PCDH15: variants seen among roughly 807,000 people sequenced by gnomAD.
PCDH15 encodes protocadherin related 15.
Under a neutral mutation model 178.5 loss-of-function variants are expected in PCDH15, and 129 were observed. The ratio of observed to expected loss-of-function variants is 0.72; its 90% confidence interval spans 0.63 to 0.84. The LOEUF (loss-of-function observed/expected upper bound fraction) is 0.84, where lower values mean the gene tolerates loss of function less well. Ranked by LOEUF, PCDH15 falls within the 40% of genes least tolerant of loss-of-function variation. PCDH15 has a pLI of 0.00. For missense variants in PCDH15, 2,230 were observed against 2,099.9 expected (o/e 1.06, Z -1.21); for synonymous variants, 800 against 732.0 (o/e 1.09, Z -1.50).
chr10:54,301,617 C>T (rs535731752), intron 8 of PCDH15, among the ~76,000 whole-genome samples: 1 of 152,284 alleles, frequency 6.6e-6, no homozygotes, highest in South Asian at 2.1e-4. Flanking sequence ...GGCTAGATGA[C>T]TGGGCCTTGA....
At chr10:55,360,820 A>G (rs1845209342) in intron 2 of PCDH15, among the ~76,000 whole-genome samples, 1 of 152,030 alleles carries the variant, frequency 6.6e-6, no homozygotes. Context: ...CTCATTACTT[A>G]GAAATTCTAT....
rs3070713 is a variant in PCDH15, at chr10:54,462,476, C to CTTTCTTTTCTTTTCT, written c.157+65321_157+65335dup. On this transcript the variant is annotated intron_variant, in intron 3 of 37. Transcript: ENST00000644397. The stretch of plus-strand genomic sequence containing the variant: ...GCTCCTATTTGTTAATCCTTTCTTT[C>CTTTCTTTTCTTTTCT]TTTCTTTTCTTTTCTTTTCTTTTTC... Among the ~76,000 whole-genome samples, 205 of 123,802 alleles carry CTTTCTTTTCTTTTCT rather than the reference C, an allele frequency of 1.7e-3. 1 individual carries two copies. The highest frequency in any genetic ancestry group is 6.6e-3 in the African/African-American group (188 of 28,614). The allele number at this position is 123,802 out of a possible 152,430, so 81.2% of individuals were successfully genotyped here.
chr10:54,237,455 A>T (rs2054753238), intron 8 of PCDH15, among the ~76,000 whole-genome samples: 1 of 152,170 alleles, frequency 6.6e-6, no homozygotes. Flanking sequence ...TATTGCAGGT[A>T]TTTACATGTA....
At chr10:54,518,763 G>A (rs1785911357) in intron 3 of PCDH15, among the ~76,000 whole-genome samples, 1 of 152,144 alleles carries the variant, frequency 6.6e-6, no homozygotes, top group Non-Finnish European at 1.5e-5. Context: ...AACCAAAAAA[G>A]AGAATTTTAG....
At chr10:54,690,830 A>G (rs2095108261) in intron 1 of PCDH15, among the ~76,000 whole-genome samples, 1 of 152,088 alleles carries the variant, frequency 6.6e-6, no homozygotes, top group African/African-American at 2.4e-5. Context: ...TGTCCCTAGA[A>G]AAGCAAGTAC....
chr10:54,932,990 T>C (rs1307948612), intron 2 of PCDH15, among the ~76,000 whole-genome samples: 2 of 152,206 alleles, frequency 1.3e-5, no homozygotes, highest in African/African-American at 4.8e-5. Context: ...ATTTTTATCA[T>C]TTATATTTTT....
intron 10 of PCDH15, among the ~76,000 whole-genome samples, chr10:54,201,112 A>G (rs2050190453): frequency 6.6e-6 from 1 of 152,188 alleles, no homozygotes; most frequent in Admixed American, 6.5e-5. Context: ...ACCGAAAACA[A>G]GAAACTTGGA....
chr10:53,917,664 G>A (rs1430782727), intron 25 of PCDH15, among the ~76,000 whole-genome samples: 3 of 152,042 alleles, frequency 2.0e-5, no homozygotes, highest in Non-Finnish European at 4.4e-5. Flanking sequence ...TAAAGGAGCT[G>A]TTTCTAAAAG....
chr10:55,376,940 C>T (rs1837406271), intron 2 of PCDH15, among the ~76,000 whole-genome samples: 1 of 151,832 alleles, frequency 6.6e-6, no homozygotes. Flanking sequence ...TGCTTCCTGG[C>T]TTAAAATTAT....
intron 8 of PCDH15, among the ~76,000 whole-genome samples, chr10:54,260,707 A>G (rs998375688): frequency 2.6e-5 from 4 of 152,176 alleles, no homozygotes; most frequent in African/African-American, 7.2e-5. Flanking sequence ...CAGCCTCCCA[A>G]GTAGCTGGAA....
chr10:53,975,174 A>G (rs181658720), intron 21 of PCDH15, among the ~76,000 whole-genome samples: 4 of 152,222 alleles, frequency 2.6e-5, no homozygotes, highest in Admixed American at 2.6e-4. Flanking sequence ...TTCTTTATCC[A>G]ATACACCACT....
At chr10:55,125,278 C>A (rs1249941096) in intron 2 of PCDH15, among the ~76,000 whole-genome samples, 1 of 151,538 alleles carries the variant, frequency 6.6e-6, no homozygotes, top group Admixed American at 6.6e-5. Context: ...ATTACTGCAT[C>A]TGAAGTTATT....
intron 1 of PCDH15, among the ~76,000 whole-genome samples, chr10:54,758,183 A>G (rs776102828): frequency 1.3e-4 from 20 of 152,326 alleles, no homozygotes; most frequent in South Asian, 6.2e-4. Flanking sequence ...TAGTATGTAA[A>G]TACAGATGGT....
At chr10:54,563,747 G>T (rs2088579555) in intron 2 of PCDH15, among the ~76,000 whole-genome samples, 1 of 152,062 alleles carries the variant, frequency 6.6e-6, no homozygotes, top group Non-Finnish European at 1.5e-5. Context: ...GCAGCTATAG[G>T]ATCCATTTCC....
At chr10:55,529,386 TC>T (rs765358417) in intron 2 of PCDH15, among the ~76,000 whole-genome samples, 2 of 152,112 alleles carry the variant, frequency 1.3e-5, no homozygotes, top group African/African-American at 2.4e-5. Flanking sequence ...CTTTAATCCA[TC>T]TTGAATTAAT....
chr10:54,247,326 G>A (rs910102508), intron 8 of PCDH15, among the ~76,000 whole-genome samples: 13 of 151,922 alleles, frequency 8.6e-5, no homozygotes, highest in Admixed American at 1.3e-4. Flanking sequence ...TGAGAGCAAA[G>A]TGAAGGTCTA....
chr10:55,311,684 G>A (rs1588902094), intron 1 of PCDH15, among the ~76,000 whole-genome samples: 1 of 152,100 alleles, frequency 6.6e-6, no homozygotes, highest in South Asian at 2.1e-4. Context: ...TCAATTCTAG[G>A]TTCACAGAGG....
intron 1 of PCDH15, among the ~76,000 whole-genome samples, chr10:55,246,197 G>A (rs1056809452): frequency 3.3e-5 from 5 of 152,090 alleles, no homozygotes; most frequent in Admixed American, 1.3e-4. Flanking sequence ...CACCATAATC[G>A]GCTATGAATA....
intron 2 of PCDH15, among the ~76,000 whole-genome samples, chr10:55,019,340 T>G (rs552756328): frequency 6.6e-6 from 1 of 150,376 alleles, no homozygotes; most frequent in South Asian, 2.1e-4. Flanking sequence ...CATGTGTTTT[T>G]GTTTGTTTGT....
Sources: allele counts gnomAD v4.1 joint callset (sites outside exome capture counted in the v4.1 genomes callset), GRCh38; gene constraint gnomAD v4.1.1; transcripts MANE v1.5; gene names NCBI Gene and HGNC (gene_info 2026-07-23, HGNC 2026-07-21).